Variants in IPO5 observed in about 807,000 individuals in gnomAD.
IPO5 encodes importin-5.
IPO5 carries 18 observed loss-of-function variants against 143.3 expected under a neutral mutation model. The observed-to-expected ratio is 0.13, with a 90% CI of 0.09 to 0.19. IPO5 has a LOEUF of 0.19. IPO5 is among the 10% of genes least tolerant of loss of function. IPO5 has a pLI of 1.00. For synonymous variants in IPO5, 477 were observed against 465.7 expected (o/e 1.02, Z -0.31); for missense variants, 1,013 against 1,336.9 (o/e 0.76, Z 3.78).
At chr13:97,991,962 A>G (rs1374679827) in intron 9 of IPO5, among the ~76,000 whole-genome samples, 1 of 152,222 alleles carries the variant, frequency 6.6e-6, no homozygotes, top group African/African-American at 2.4e-5. Flanking sequence ...CCATCAAGAA[A>G]TATCTCCTGG....
In IPO5 at chr13:98,023,832, T is replaced by G. The variant is rs1890627139; in HGVS notation, c.*2010T>G. ...TAGGGAAGGTTGGTAGTAAATGCTG[T>G]TAGTGTGACATGATTCTGAAACCCA... is the stretch of plus-strand genomic sequence containing the variant. On this transcript the variant is annotated 3_prime_UTR_variant, in exon 29 of 29. Transcript: ENST00000651721. The G allele has an allele frequency of 6.6e-6, 1 of 152,166 alleles. No homozygotes were observed. Among genetic ancestry groups the G allele is most frequent in the Non-Finnish European group, 1.5e-5 (1 of 68,030 alleles). 9.4% of individuals were successfully genotyped at this position (152,166 alleles called of 1,614,324 possible). A position where few individuals can be genotyped will look rare whatever the true frequency, so the allele number is the denominator to read the frequency against.
Position 98,019,100 on chromosome 13 carries a change from A to C in IPO5, c.2836+396A>C, listed in dbSNP as rs1171870216. Among the ~76,000 whole-genome samples the C allele has an allele frequency of 2.0e-5, 3 of 152,028 alleles. 1 individual carries two copies. Among genetic ancestry groups the C allele is most frequent in the African/African-American group, 7.2e-5 (3 of 41,458 alleles). On this transcript the variant is annotated intron_variant, in intron 26 of 28. Coordinates refer to ENST00000651721, the MANE Select transcript of IPO5 (RefSeq NM_002271.6). ...CCTGAGTAGCTGGGACTACAGGCGC[A>C]TGCCACCACGCCTGGCTAATTTTTT...
rs140263886 is a variant in IPO5 at position 97,996,698 on chromosome 13, G to A, written c.914-833G>A. ...GCTCACAGCGAGCTCCACCTCCCAG[G>A]TTCACGCCATTCTCCTGCCTAAGCC... On this transcript the variant is annotated intron_variant, in intron 11 of 28. Transcript: ENST00000651721. Among the ~76,000 whole-genome samples the A allele has an allele frequency of 3.6e-3, 544 of 152,160 alleles. 5 individuals are homozygous for A. Among genetic ancestry groups the A allele is most frequent in the African/African-American group, 0.013 (527 of 41,504 alleles).
In IPO5 at chr13:97,958,128, G is replaced by A. The variant is rs563260023; in HGVS notation, c.-113+3930G>A. The stretch of plus-strand genomic sequence containing the variant: ...AGAAACCTCCAGGGCCTGGCCTCAG[G>A]TGGAGTTGTCTTGCAGCTGATTGCT... On this transcript the variant is annotated intron_variant, in intron 2 of 28. Coordinates refer to ENST00000651721, the MANE Select transcript of IPO5 (RefSeq NM_002271.6). 3.3e-5 allele frequency among the ~76,000 whole-genome samples: 5 copies of A among 152,306 alleles called. No individual in the cohort carries two copies. The East Asian group carries it at 9.6e-4, about 29-fold the overall frequency.
At chr13:98,018,446 C>T (rs1010671639) in intron 25 of IPO5, 39 bp from the exon 26 acceptor site, 1 of 1,360,630 alleles carries the variant, frequency 7.3e-7, no homozygotes, top group African/African-American at 1.4e-5. Context: ...TCTTTGTGTA[C>T]ACCAGTATTT....
intron 3 of IPO5, among the ~76,000 whole-genome samples, chr13:97,971,374 T>G (rs1811315711): frequency 6.6e-6 from 1 of 152,142 alleles, no homozygotes. Context: ...AAAGTTTTGA[T>G]AAAAAGCAGT....
intron 28 of IPO5, 57 bp downstream of exon 28, chr13:98,021,190 T>A: frequency 6.8e-7 from 1 of 1,469,550 alleles, no homozygotes; most frequent in Non-Finnish European, 9.2e-7. Flanking sequence ...TTCTTTGTAG[T>A]CCTCTATGAG....
intron 13 of IPO5, 186 bp downstream of exon 13, chr13:98,000,831 CA>C (rs1054726556): frequency 7.2e-6 from 4 of 556,858 alleles, no homozygotes; most frequent in Non-Finnish European, 1.3e-5. Context: ...ACTTCCTAGC[CA>C]AAAGTATTTA....
At chr13:97,962,815 T>G (rs983293663) in intron 2 of IPO5, among the ~76,000 whole-genome samples, 1 of 144,740 alleles carries the variant, frequency 6.9e-6, no homozygotes, top group African/African-American at 2.6e-5. Flanking sequence ...TGAAACTGTC[T>G]CAAAAAAAAA....
Position 98,016,884 on chromosome 13 carries a change from G to T in IPO5, c.2616+33G>T, listed in dbSNP as rs370041942. On this transcript the variant is annotated intron_variant, in intron 25 of 28. Transcript: ENST00000651721. The stretch of plus-strand genomic sequence containing the variant: ...TTACCTCTCTTAATAGTTGTTTTGC[G>T]TAGTTTACCTGGAATTCTTTTCACT... 6.2e-6 allele frequency: 9 copies of T among 1,444,532 alleles called. No homozygotes were observed. In the East Asian group the frequency reaches 2.4e-4, roughly 38 times the overall value. 89.5% of individuals were successfully genotyped at this position (1,444,532 alleles called of 1,614,324 possible).
chr13:97,982,230 G>A lies in IPO5; in HGVS notation c.91-273G>A, dbSNP rs1342787100. On this transcript the variant is annotated intron_variant, in intron 4 of 28. Coordinates refer to ENST00000651721, the MANE Select transcript of IPO5 (RefSeq NM_002271.6). ...ATTTTTTGGCCCTCTTAGGCCTTGAGTTTTGTTAACCAGGGAGCATAAGTT... is the reference window on the plus strand; with the variant it reads ...ATTTTTTGGCCCTCTTAGGCCTTGAATTTTGTTAACCAGGGAGCATAAGTT... 3.6e-5 allele frequency: 12 copies of A among 337,498 alleles called. No individual in the cohort carries two copies. In the South Asian group the frequency reaches 7.0e-4, roughly 20 times the overall value. 20.9% of individuals were successfully genotyped at this position (337,498 alleles called of 1,614,324 possible).
chr13:98,010,780 CTTTTT>C (rs71117688), intron 20 of IPO5, among the ~76,000 whole-genome samples: 1 of 70,032 alleles, frequency 1.4e-5, no homozygotes, highest in Admixed American at 1.4e-4. Flanking sequence ...AAGGATAATC[CTTTTT>C]TTTTTTTTTT....
intron 18 of IPO5, 120 bp from the exon 19 acceptor site, chr13:98,009,761 T>G (rs564477381): frequency 2.7e-6 from 2 of 752,374 alleles, no homozygotes; most frequent in African/African-American, 1.8e-5. Context: ...ATGCTCTTAC[T>G]GCTTAAAGTA....
intron 11 of IPO5, 68 bp downstream of exon 11, chr13:97,993,293 TTG>T: frequency 7.6e-7 from 1 of 1,309,316 alleles, no homozygotes; most frequent in Non-Finnish European, 1.1e-6. Flanking sequence ...TTGCTGAGGG[TTG>T]TGTGATTTCT....
chr13:97,974,543 C>T (rs950040186), intron 3 of IPO5, among the ~76,000 whole-genome samples: 7 of 151,964 alleles, frequency 4.6e-5, no homozygotes, highest in Non-Finnish European at 1.0e-4. Context: ...CTCCTGACCT[C>T]AGGTGATCCG....
At position 98,000,655 on chromosome 13, in the gene IPO5, G is replaced by A. The variant is rs778486476; in HGVS notation, c.1108+10G>A. 2 of 1,579,528 alleles carry A rather than the reference G, an allele frequency of 1.3e-6. No homozygotes were observed. The highest frequency in any genetic ancestry group is 1.3e-5 in the African/African-American group (1 of 74,404). ...CAAATGCTTCAAAATCGTAAGCTGTGTCCTTCAAATGCTAGAAGAGTGAAG... is the reference window on the plus strand; with the variant it reads ...CAAATGCTTCAAAATCGTAAGCTGTATCCTTCAAATGCTAGAAGAGTGAAG... On this transcript the variant is annotated intron_variant, in intron 13 of 28. Transcript: ENST00000651721.
chr13:97,995,142 G>A (rs998234507), intron 11 of IPO5, among the ~76,000 whole-genome samples: 1 of 146,774 alleles, frequency 6.8e-6, no homozygotes, highest in Non-Finnish European at 1.5e-5. Flanking sequence ...AAAAAAAAAA[G>A]TTTCTGGGAT....
At chr13:97,958,004 A>C (rs1732220059) in intron 2 of IPO5, among the ~76,000 whole-genome samples, 1 of 152,184 alleles carries the variant, frequency 6.6e-6, no homozygotes, top group Admixed American at 6.5e-5. Context: ...CAGAAAAAAA[A>C]GTAAAGAAAG....
chr13:98,005,305 C>G lies in IPO5; in HGVS notation c.1498-825C>G, dbSNP rs116586533. Among the ~76,000 whole-genome samples the G allele has an allele frequency of 9.4e-3, 1,428 of 151,888 alleles. 20 individuals are homozygous for G. The highest frequency in any genetic ancestry group is 0.032 in the African/African-American group (1,325 of 41,404). On this transcript the variant is annotated intron_variant, in intron 16 of 28. Coordinates refer to ENST00000651721, the MANE Select transcript of IPO5 (RefSeq NM_002271.6). ...CTCTGCCTCCCCAGTTCAAGCAATT[C>G]TCCTTCCTCTGCTTCCGGAGTAATG...
Sources: gnomAD v4.1 joint callset for allele counts (sites outside exome capture counted in the v4.1 genomes callset) on GRCh38, gnomAD v4.1.1 for gene constraint, MANE v1.5 for transcripts, NCBI Gene and HGNC (gene_info 2026-07-23, HGNC 2026-07-21) for gene names.